RPS13: variants seen among roughly 807,000 people sequenced by gnomAD.
RPS13 encodes the protein ribosomal protein S13, also known as small ribosomal subunit protein uS15.
A neutral mutation model predicts 24.6 loss-of-function variants in RPS13; 1 was observed. That is an observed-to-expected ratio of 0.04 (90% CI 0.01 to 0.19). RPS13 has a LOEUF of 0.19. RPS13 is among the 10% of genes least tolerant of loss of function. The pLI is 1.00. For synonymous variants in RPS13, 69 were observed against 65.3 expected (o/e 1.06, Z -0.27); for missense variants, 88 against 187.4 (o/e 0.47, Z 3.10).
chr11:17,076,881 C>T, intron 3 of RPS13: 1 of 499,462 alleles, frequency 2.0e-6, no homozygotes, highest in Middle Eastern at 5.4e-4. Context: ...TAGCCAATTC[C>T]AACTCCTCCA....
At chr11:17,076,932 G>A in intron 3 of RPS13, 1 of 546,858 alleles carries the variant, frequency 1.8e-6, no homozygotes, top group Non-Finnish European at 3.3e-6. Context: ...GTATCCAGCG[G>A]CAGTGTGCCT....
At chr11:17,075,405 T>C in intron 4 of RPS13, 49 bp downstream of exon 4, 1 of 1,422,290 alleles carries the variant, frequency 7.0e-7, no homozygotes, top group East Asian at 2.3e-5. Context: ...ACCGAAAAAA[T>C]TTAGTACAAG....
rs933558287 is a variant in RPS13 at position 17,077,110 on chromosome 11, G to T, written c.151+58C>A. 9 of 1,297,816 alleles carry T rather than the reference G, an allele frequency of 6.9e-6. 1 individual carries two copies. In the African/African-American group the frequency reaches 1.0e-4, roughly 15 times the overall value. 80.4% of individuals were successfully genotyped at this position (1,297,816 alleles called of 1,614,324 possible). A position where few individuals can be genotyped will look rare whatever the true frequency, so the allele number is the denominator to read the frequency against. ...TTTAAAATAACTTTACCACCTACTA[G>T]ATCCTACAAGTCACACGAGGACAGG... On this transcript the variant is annotated intron_variant, in intron 3 of 5. Coordinates refer to ENST00000525634, the MANE Select transcript of RPS13 (RefSeq NM_001017.3).
chr11:17,076,978 G>A (rs945239388), intron 3 of RPS13, 190 bp downstream of exon 3: 1 of 587,824 alleles, frequency 1.7e-6, no homozygotes, highest in Admixed American at 2.9e-5. Flanking sequence ...TGAAAGCCAT[G>A]AAGATTTATT....
intron 3 of RPS13, among the ~76,000 whole-genome samples, chr11:17,076,247 C>T (rs374141449): frequency 6.6e-6 from 1 of 152,018 alleles, no homozygotes; most frequent in Non-Finnish European, 1.5e-5. Context: ...ATTAGCCGGG[C>T]GTGGTGGTGC....
chr11:17,077,644 T>C lies in RPS13; in HGVS notation c.-3A>G, dbSNP rs749071611. ...CCGGGAGCATGCATGCGACCCATGATGGCGGCGATCAGGCAACGAAAGGAG... is the reference window on the plus strand; with the variant it reads ...CCGGGAGCATGCATGCGACCCATGACGGCGGCGATCAGGCAACGAAAGGAG... On this transcript the variant is annotated 5_prime_UTR_variant, in exon 1 of 6. Transcript: ENST00000525634. The C allele has an allele frequency of 3.8e-6, 6 of 1,582,150 alleles. No homozygotes were observed. The highest frequency in any genetic ancestry group is 5.2e-6 in the Non-Finnish European group (6 of 1,162,952).
intron 3 of RPS13, chr11:17,076,679 C>T: frequency 3.0e-6 from 1 of 330,554 alleles, no homozygotes; most frequent in East Asian, 9.8e-5. Flanking sequence ...TCCCAAGTAT[C>T]TGGGACTACA....
At chr11:17,076,462 A>T (rs755898681) in intron 3 of RPS13, 6 of 337,140 alleles carry the variant, frequency 1.8e-5, no homozygotes, top group Non-Finnish European at 3.5e-5. Context: ...AGGCTGAGGC[A>T]GGAGAATCGC....
At chr11:17,077,394 C>T (rs779764220) in intron 2 of RPS13, 35 bp downstream of exon 2, 1 of 1,598,704 alleles carries the variant, frequency 6.3e-7, no homozygotes, top group Non-Finnish European at 8.6e-7. Flanking sequence ...CCAACCCCCT[C>T]CCCGGATTCT....
At chr11:17,077,334 C>T in intron 2 of RPS13, 88 bp from the exon 3 acceptor site, 3 of 1,578,754 alleles carry the variant, frequency 1.9e-6, no homozygotes, top group Non-Finnish European at 2.6e-6. Flanking sequence ...AACCGCGCTC[C>T]TCATACACGC....
chr11:17,076,701 G>A, intron 3 of RPS13: 2 of 304,528 alleles, frequency 6.6e-6, no homozygotes, highest in Middle Eastern at 1.3e-3. Context: ...GCACATTGCG[G>A]CTGGCTTTTT....
intron 5 of RPS13, 90 bp from the exon 6 acceptor site, chr11:17,074,556 A>G: frequency 1.0e-6 from 1 of 982,822 alleles, no homozygotes; most frequent in African/African-American, 1.6e-5. Context: ...TAATGGTGCT[A>G]TTCTCAAACA....
intron 5 of RPS13, 29 bp downstream of exon 5, chr11:17,075,068 A>G (rs1430666692): frequency 2.0e-6 from 3 of 1,476,630 alleles, no homozygotes; most frequent in African/African-American, 1.4e-5. Flanking sequence ...CCTATTCTTG[A>G]TAACAACGAC....
chr11:17,076,247 C>A (rs374141449), intron 3 of RPS13, among the ~76,000 whole-genome samples: 1 of 152,020 alleles, frequency 6.6e-6, no homozygotes, highest in Admixed American at 6.6e-5. Flanking sequence ...ATTAGCCGGG[C>A]GTGGTGGTGC....
chr11:17,077,155 CACAA>C lies in RPS13; in HGVS notation c.151+9_151+12del, dbSNP rs778356105. The stretch of plus-strand genomic sequence containing the variant: ...GACAGGCGAAATAGGCTATGTTAGA[CACAA>C]ACACTCACCGATCTGTGAAGGAGTA... On this transcript the variant is annotated intron_variant, in intron 3 of 5. Coordinates refer to ENST00000525634, the MANE Select transcript of RPS13 (RefSeq NM_001017.3). The C allele has an allele frequency of 7.4e-5, 118 of 1,601,220 alleles. No homozygotes were observed. The highest frequency in any genetic ancestry group is 1.5e-5 in the Non-Finnish European group (17 of 1,168,742).
At chr11:17,074,540 C>T in intron 5 of RPS13, 74 bp from the exon 6 acceptor site, 1 of 1,112,378 alleles carries the variant, frequency 9.0e-7, no homozygotes, top group Middle Eastern at 2.0e-4. Context: ...AACAGAATCT[C>T]CCCACTAATG....
chr11:17,077,420 G>C lies in RPS13; in HGVS notation c.72+9C>G, dbSNP rs1821980905. On this transcript the variant is annotated intron_variant, in intron 2 of 5. Coordinates refer to ENST00000525634, the MANE Select transcript of RPS13 (RefSeq NM_001017.3). ...CCCGGATTCTCCCCGGTCCCAGCGCGCTACTTACAGTGGGGACGCTGCGTC... is the reference window on the plus strand; with the variant it reads ...CCCGGATTCTCCCCGGTCCCAGCGCCCTACTTACAGTGGGGACGCTGCGTC... 1.2e-6 allele frequency: 2 copies of C among 1,604,034 alleles called. No individual in the cohort carries two copies. Among genetic ancestry groups the C allele is most frequent in the Admixed American group, 1.7e-5 (1 of 58,080 alleles).
chr11:17,074,527 A>G, intron 5 of RPS13, 61 bp from the exon 6 acceptor site: 1 of 1,241,352 alleles, frequency 8.1e-7, no homozygotes, highest in African/African-American at 1.5e-5. Context: ...CTCCACATTC[A>G]TTAACAGAAT....
intron 4 of RPS13, 68 bp from the exon 5 acceptor site, chr11:17,075,265 A>C: frequency 8.5e-7 from 1 of 1,181,368 alleles, no homozygotes; most frequent in East Asian, 2.3e-5. Flanking sequence ...AAACATTAAT[A>C]AGAGAATGTA....
Sources: gnomAD v4.1 joint callset for allele counts (sites outside exome capture counted in the v4.1 genomes callset) on GRCh38, gnomAD v4.1.1 for gene constraint, MANE v1.5 for transcripts, NCBI Gene and HGNC (gene_info 2026-07-23, HGNC 2026-07-21) for gene names.